The following STK32B variants were observed in gnomAD, a reference collection of about 807,000 sequenced individuals.
The protein encoded by STK32B is serine/threonine-protein kinase 32B.
STK32B carries 43 observed loss-of-function variants against 52.6 expected under a neutral mutation model. The observed-to-expected ratio is 0.82, with a 90% CI of 0.64 to 1.05. The LOEUF (loss-of-function observed/expected upper bound fraction) is 1.05, where lower values mean the gene tolerates loss of function less well. Among genes scored for constraint, STK32B ranks in the 50% least tolerant of loss-of-function variants. The pLI is 0.00. For missense variants in STK32B, 621 were observed against 534.6 expected (o/e 1.16, Z -1.59); for synonymous variants, 238 against 204.3 (o/e 1.17, Z -1.41).
At chr4:5,420,504 G>A (rs1455070468) in intron 6 of STK32B, among the ~76,000 whole-genome samples, 1 of 152,164 alleles carries the variant, frequency 6.6e-6, no homozygotes, top group Non-Finnish European at 1.5e-5. Context: ...CAGCAGAGTG[G>A]TGCTCACTCT....
chr4:5,405,428 G>A (rs1737591777), intron 5 of STK32B, among the ~76,000 whole-genome samples: 2 of 152,278 alleles, frequency 1.3e-5, no homozygotes, highest in East Asian at 3.9e-4. Context: ...CTGAATGTTT[G>A]TGTCCCCACA....
At chr4:5,319,198 G>A (rs745785019) in intron 3 of STK32B, among the ~76,000 whole-genome samples, 1 of 152,106 alleles carries the variant, frequency 6.6e-6, no homozygotes, top group South Asian at 2.1e-4. Flanking sequence ...GAAACACCAG[G>A]ACGTAAACAC....
At chr4:5,368,267 ACAAC>A (rs1241979293) in intron 4 of STK32B, among the ~76,000 whole-genome samples, 15 of 151,448 alleles carry the variant, frequency 9.9e-5, no homozygotes, top group Non-Finnish European at 2.2e-4. Context: ...TAATCCTCAC[ACAAC>A]GTCATGAGTT....
intron 4 of STK32B, among the ~76,000 whole-genome samples, chr4:5,344,491 TCA>T (rs1733313901): frequency 6.6e-6 from 1 of 152,186 alleles, no homozygotes; most frequent in Non-Finnish European, 1.5e-5. Context: ...TTCATCAGAC[TCA>T]CAGTCTTCTT....
At chr4:5,322,038 T>C (rs963826028) in intron 3 of STK32B, among the ~76,000 whole-genome samples, 2 of 37,194 alleles carry the variant, frequency 5.4e-5, no homozygotes, top group African/African-American at 2.1e-4. Context: ...GGAGTGGGGG[T>C]GGGGGGTTGG....
chr4:5,196,921 G>T (rs1721726065), intron 3 of STK32B, among the ~76,000 whole-genome samples: 1 of 152,012 alleles, frequency 6.6e-6, no homozygotes, highest in Admixed American at 6.6e-5. Flanking sequence ...GGTGCAGTCA[G>T]GGTGGGTGCC....
At chr4:5,496,306 C>CT (rs1720242505) in intron 11 of STK32B, among the ~76,000 whole-genome samples, 1 of 152,230 alleles carries the variant, frequency 6.6e-6, no homozygotes, top group Non-Finnish European at 1.5e-5. Context: ...ACCAGCCTCG[C>CT]TGCCGCCTTG....
intron 3 of STK32B, among the ~76,000 whole-genome samples, chr4:5,176,531 C>T (rs976762769): frequency 6.6e-6 from 1 of 151,088 alleles, no homozygotes; most frequent in Non-Finnish European, 1.5e-5. Flanking sequence ...GCAACCTCCA[C>T]CTCCAAGGTT....
At chr4:5,346,282 A>G (rs1324780930) in intron 4 of STK32B, among the ~76,000 whole-genome samples, 2 of 152,178 alleles carry the variant, frequency 1.3e-5, no homozygotes, top group African/African-American at 4.8e-5. Context: ...GACCTTTTTG[A>G]CAAAGGCTCA....
intron 11 of STK32B, among the ~76,000 whole-genome samples, chr4:5,477,944 C>A (rs1718369982): frequency 6.6e-6 from 1 of 152,134 alleles, no homozygotes; most frequent in African/African-American, 2.4e-5. Flanking sequence ...AAGGACCCAG[C>A]AAACCTCACC....
At chr4:5,082,456 A>G (rs569985101) in intron 1 of STK32B, among the ~76,000 whole-genome samples, 1 of 152,272 alleles carries the variant, frequency 6.6e-6, no homozygotes, top group African/African-American at 2.4e-5. Context: ...CTGTGAGAAG[A>G]CTTTTTGATG....
intron 1 of STK32B, among the ~76,000 whole-genome samples, chr4:5,110,262 C>A (rs1390345311): frequency 1.8e-5 from 2 of 108,144 alleles, no homozygotes; most frequent in Non-Finnish European, 3.7e-5. Flanking sequence ...TCCTAAAATT[C>A]ATATGGAACC....
chr4:5,242,702 TGGTTTTA>T lies in STK32B; in HGVS notation c.260+74256_260+74262del, dbSNP rs772353440. Among the ~76,000 whole-genome samples, 491 of 152,334 alleles carry T rather than the reference TGGTTTTA, an allele frequency of 3.2e-3. 7 individuals carry two copies. The highest frequency in any genetic ancestry group is 0.018 in the Admixed American group (274 of 15,296). ...CCTAGGTTTTCTTCTAGGGTTTTTATGGTTTTAGGTCTAACATGTAAGTCTTTAATCC... is the reference window on the plus strand; with the variant it reads ...CCTAGGTTTTCTTCTAGGGTTTTTATGGTCTAACATGTAAGTCTTTAATCC... On this transcript the variant is annotated intron_variant, in intron 3 of 11. Transcript: ENST00000282908.
At chr4:5,485,789 T>C (rs540423538) in intron 11 of STK32B, among the ~76,000 whole-genome samples, 1 of 152,326 alleles carries the variant, frequency 6.6e-6, no homozygotes, top group East Asian at 1.9e-4. Context: ...TTCTGTTTGT[T>C]AGTTTTCCTT....
In STK32B at chr4:5,315,394, A is replaced by G. The variant is rs530824246; in HGVS notation, c.261-15826A>G. Among the ~76,000 whole-genome samples the G allele has an allele frequency of 2.0e-5, 3 of 152,136 alleles. No individual in the cohort carries two copies. In the East Asian group the frequency reaches 5.8e-4, roughly 29 times the overall value. On this transcript the variant is annotated intron_variant, in intron 3 of 11. Coordinates refer to ENST00000282908, the MANE Select transcript of STK32B (RefSeq NM_018401.3). ...CAAGAATTACTTTAAGAGGGAAGAT[A>G]AGCCACAAAACAGTAACAATAATAC...
the STK32B span, among the ~76,000 whole-genome samples, chr4:5,030,948 A>G: frequency 3.9e-5 from 6 of 152,208 alleles, no homozygotes; most frequent in Non-Finnish European, 7.3e-5. Flanking sequence ...ATTTTAAGTA[A>G]TTGAGTCAAT....
intron 4 of STK32B, among the ~76,000 whole-genome samples, chr4:5,335,345 G>A (rs1290581259): frequency 6.6e-6 from 1 of 151,936 alleles, no homozygotes; most frequent in Non-Finnish European, 1.5e-5. Flanking sequence ...ATTTTTTATT[G>A]CATCTATTTG....
chr4:5,438,512 C>T (rs1369853616), intron 6 of STK32B, among the ~76,000 whole-genome samples: 1 of 152,146 alleles, frequency 6.6e-6, no homozygotes, highest in African/African-American at 2.4e-5. Flanking sequence ...TAGGAGGGTT[C>T]CCAGATTTCT....
At chr4:5,289,985 G>A (rs1728791661) in intron 3 of STK32B, among the ~76,000 whole-genome samples, 1 of 152,000 alleles carries the variant, frequency 6.6e-6, no homozygotes. Flanking sequence ...TACCCAATAG[G>A]TAGTTTTTCA....
Sources: gnomAD v4.1 joint callset for allele counts (sites outside exome capture counted in the v4.1 genomes callset) on GRCh38, gnomAD v4.1.1 for gene constraint, MANE v1.5 for transcripts, NCBI Gene and HGNC (gene_info 2026-07-23, HGNC 2026-07-21) for gene names.